The following ATP13A3 variants were observed in gnomAD, a reference collection of about 807,000 sequenced individuals.
The protein encoded by ATP13A3 is polyamine-transporting ATPase 13A3.
In ATP13A3, 59 loss-of-function variants were observed where a neutral mutation model predicts 158.1. That is an observed-to-expected ratio of 0.37 (90% CI 0.30 to 0.46). The LOEUF is 0.46. Ranked by LOEUF, ATP13A3 falls within the 20% of genes least tolerant of loss-of-function variation. The pLI is 1.00. For missense variants in ATP13A3, 1,166 were observed against 1,525.2 expected (o/e 0.76, Z 3.92); for synonymous variants, 491 against 504.3 (o/e 0.97, Z 0.35).
At chr3:194,443,036 CT>C (rs1718156546) in intron 15 of ATP13A3, among the ~76,000 whole-genome samples, 1 of 134,582 alleles carries the variant, frequency 7.4e-6, no homozygotes, top group Non-Finnish European at 1.6e-5. Context: ...TTTGCTTTCA[CT>C]TAAAAAAAAA....
At chr3:194,429,797 G>A (rs1418524425) in intron 26 of ATP13A3, 23 bp from the exon 27 acceptor site, 33 of 1,594,030 alleles carry the variant, frequency 2.1e-5, no homozygotes, top group African/African-American at 2.7e-5. Flanking sequence ...ATCAAATGTC[G>A]GCATATGAAT....
At chr3:194,456,180 A>T (rs1459281039) in intron 7 of ATP13A3, among the ~76,000 whole-genome samples, 2 of 152,060 alleles carry the variant, frequency 1.3e-5, no homozygotes, top group Non-Finnish European at 2.9e-5. Context: ...TTTGTCTCAC[A>T]TCTTTATGTG....
Position 194,404,161 on chromosome 3 carries a change from T to G in ATP13A3, c.*1758A>C. 2.2e-6 allele frequency: 1 copy of G among 447,854 alleles called. No homozygotes were observed. Among genetic ancestry groups the G allele is most frequent in the Admixed American group, 2.5e-5 (1 of 39,286 alleles). The allele number at this position is 447,854 out of a possible 1,614,324, so 27.7% of individuals were successfully genotyped here. Reference sequence around the variant, plus strand: ...AGTAACTATAGAAAATAGTGCTAATTCACAGCTCAAGAGGTCTAAGATGCA... The same window carrying G: ...AGTAACTATAGAAAATAGTGCTAATGCACAGCTCAAGAGGTCTAAGATGCA... On this transcript the variant is annotated 3_prime_UTR_variant, in exon 34 of 34. Coordinates refer to ENST00000645319, the MANE Select transcript of ATP13A3 (RefSeq NM_001367549.1).
chr3:194,429,766 C>A lies in ATP13A3; in HGVS notation c.2786G>T (p.Arg929Leu). ...ACAGAAGGAAGTTATTAAAGCAGCA[C>A]GGCCTTCCCTGTGAAAAGAAATCAA... ...SCVPNLIREG[R>L]AALITSFCVF... is the part of the protein sequence containing the mutation. The change falls in exon 27 of 34, where the codon CGT becomes CTT. Residue 929 changes from arginine to leucine, a missense_variant. By Grantham distance (102) the Arg-to-Leu change is moderately radical (BLOSUM62 -2). Transcript: ENST00000645319. 1 of 1,613,564 alleles carries A rather than the reference C, an allele frequency of 6.2e-7. No homozygotes were observed. The highest frequency in any genetic ancestry group is 1.1e-5 in the South Asian group (1 of 91,016).
At chr3:194,468,511 C>CT in intron 2 of ATP13A3, among the ~76,000 whole-genome samples, 1 of 151,262 alleles carries the variant, frequency 6.6e-6, no homozygotes, top group African/African-American at 2.4e-5. Flanking sequence ...TTACTACAAA[C>CT]AATTAAAGTA....
rs1012925531 is a variant in ATP13A3, at chr3:194,460,748, G to A, written c.135C>T (p.Leu45=). The A allele has an allele frequency of 1.2e-6, 2 of 1,614,006 alleles. No individual in the cohort carries two copies. Among genetic ancestry groups the A allele is most frequent in the African/African-American group, 2.7e-5 (2 of 74,898 alleles). Reference sequence around the variant, plus strand: ...GCCACTCAGGCATCCAATAGAGGAGGAGGAGGAGAAACCCACCAGAGCAAA... The same window carrying A: ...GCCACTCAGGCATCCAATAGAGGAGAAGGAGGAGAAACCCACCAGAGCAAA... ...GVICSGGFLL[L]LLYWMPEWRV... The change falls in exon 4 of 34, where the codon CTC becomes CTT. Residue 45 remains leucine, a synonymous_variant. Coordinates refer to ENST00000645319, the MANE Select transcript of ATP13A3 (RefSeq NM_001367549.1).
At chr3:194,439,047 T>G in intron 16 of ATP13A3, 75 bp from the exon 17 acceptor site, 1 of 957,400 alleles carries the variant, frequency 1.0e-6, no homozygotes, top group East Asian at 2.7e-5. Context: ...GAATTCATGG[T>G]TCCATTTTTA....
At chr3:194,472,893 T>C (rs1720367524) in intron 2 of ATP13A3, among the ~76,000 whole-genome samples, 1 of 152,168 alleles carries the variant, frequency 6.6e-6, no homozygotes, top group Non-Finnish European at 1.5e-5. Flanking sequence ...TTCGAATTAA[T>C]GCAGAAACAG....
rs73889882 is a variant in ATP13A3 at position 194,462,920 on chromosome 3, C to G, written c.-46-684G>C. On this transcript the variant is annotated intron_variant, in intron 2 of 33. Coordinates refer to ENST00000645319, the MANE Select transcript of ATP13A3 (RefSeq NM_001367549.1). ...AATTTATATTGAGAGGAACTACTAA[C>G]AGAGTCTTCCTTTTTCATTCCACAG... Among the ~76,000 whole-genome samples the G allele has an allele frequency of 2.1e-3, 324 of 152,300 alleles. 2 individuals carry two copies. The highest frequency in any genetic ancestry group is 7.4e-3 in the African/African-American group (307 of 41,568).
At chr3:194,484,959 C>T (rs535808291) in intron 2 of ATP13A3, among the ~76,000 whole-genome samples, 2 of 151,186 alleles carry the variant, frequency 1.3e-5, no homozygotes, top group African/African-American at 4.9e-5. Context: ...TAGGAGGCTG[C>T]GACAGGAGAA....
At chr3:194,430,766 A>C (rs1717157548) in intron 24 of ATP13A3, among the ~76,000 whole-genome samples, 177 bp downstream of exon 24, 1 of 152,226 alleles carries the variant, frequency 6.6e-6, no homozygotes, top group African/African-American at 2.4e-5. Flanking sequence ...AGCTAAATAA[A>C]AAGCACATGA....
chr3:194,412,731 T>A (rs547595767), intron 32 of ATP13A3: 4 of 171,524 alleles, frequency 2.3e-5, no homozygotes, highest in African/African-American at 9.6e-5. Flanking sequence ...ACTGATACTG[T>A]AGAAAAAGAA....
intron 31 of ATP13A3, among the ~76,000 whole-genome samples, chr3:194,414,404 A>G (rs1715660976): frequency 1.3e-5 from 2 of 151,676 alleles, no homozygotes; most frequent in African/African-American, 4.9e-5. Flanking sequence ...TGGAGGCTGC[A>G]GTGAGCCGAG....
intron 31 of ATP13A3, 92 bp downstream of exon 31, chr3:194,419,787 C>T: frequency 6.7e-7 from 1 of 1,499,920 alleles, no homozygotes. Context: ...ATAACAGCAT[C>T]TTAGAATACA....
chr3:194,407,719 A>G (rs1241145285), intron 33 of ATP13A3, among the ~76,000 whole-genome samples: 2 of 152,186 alleles, frequency 1.3e-5, no homozygotes, highest in Non-Finnish European at 2.9e-5. Flanking sequence ...GAAAGTCTGA[A>G]GATTACTCGC....
At chr3:194,424,897 G>A (rs568830301) in intron 30 of ATP13A3, among the ~76,000 whole-genome samples, 9 of 152,320 alleles carry the variant, frequency 5.9e-5, no homozygotes, top group Non-Finnish European at 1.3e-4. Flanking sequence ...GGCAGATGCT[G>A]CGCAGACCGC....
At chr3:194,432,204 C>T (rs1009811076) in intron 21 of ATP13A3, among the ~76,000 whole-genome samples, 8 of 152,232 alleles carry the variant, frequency 5.3e-5, no homozygotes, top group African/African-American at 1.9e-4. Context: ...CGGTGCTACA[C>T]ACAGATCAGG....
intron 33 of ATP13A3, among the ~76,000 whole-genome samples, chr3:194,408,716 G>T (rs1445604257): frequency 3.3e-5 from 5 of 152,110 alleles, no homozygotes; most frequent in African/African-American, 1.2e-4. Context: ...GAAACATTTT[G>T]TTCCTGTACC....
At chr3:194,490,445 G>T (rs1721134416), upstream of ATP13A3, among the ~76,000 whole-genome samples, 3 of 152,306 alleles carry the variant, frequency 2.0e-5, no homozygotes, top group South Asian at 6.2e-4. The surrounding 1 kb of genome is among the most constrained non-coding windows in gnomAD (Gnocchi z 4.4). Context: ...TTTGCTGTTA[G>T]TTTTGATAAC....
Sources: gnomAD v4.1 joint callset for allele counts (sites outside exome capture counted in the v4.1 genomes callset) on GRCh38, gnomAD v4.1.1 for gene constraint, Gnocchi (gnomAD v3.1) non-coding constraint, MANE v1.5 for transcripts, NCBI Gene and HGNC (gene_info 2026-07-23, HGNC 2026-07-21) for gene names.